The following LRIG2 variants were observed in gnomAD, a reference collection of about 807,000 sequenced individuals.
LRIG2 encodes the protein leucine-rich repeats and immunoglobulin-like domains protein 2.
Under a neutral mutation model 107.8 loss-of-function variants are expected in LRIG2, and 93 were observed. The ratio of observed to expected loss-of-function variants is 0.86; its 90% CI spans 0.73 to 1.03. The LOEUF is 1.03. Ranked by LOEUF, LRIG2 falls within the 50% of genes least tolerant of loss-of-function variation. The pLI is 0.00. For synonymous variants in LRIG2, 471 were observed against 470.6 expected (o/e 1.00, Z -0.01); for missense variants, 1,226 against 1,296.0 (o/e 0.95, Z 0.83).
At chr1:113,098,822 A>G (rs755858887) in intron 9 of LRIG2, 37 bp downstream of exon 9, 2 of 1,267,310 alleles carry the variant, frequency 1.6e-6, no homozygotes, top group Non-Finnish European at 2.3e-6. Context: ...CTACATAGGC[A>G]TGTTTTCAAG....
chr1:113,080,299 G>A (rs554239526), intron 1 of LRIG2, among the ~76,000 whole-genome samples: 30 of 152,240 alleles, frequency 2.0e-4, no homozygotes, highest in African/African-American at 6.5e-4. Flanking sequence ...GATTACAGGC[G>A]TGAGCCACTG....
At chr1:113,079,273 G>A (rs1289720119) in intron 1 of LRIG2, among the ~76,000 whole-genome samples, 1 of 151,564 alleles carries the variant, frequency 6.6e-6, no homozygotes, top group Non-Finnish European at 1.5e-5. Flanking sequence ...GCTTGAGCCT[G>A]GGAGGCAGAG....
At chr1:113,084,238 CAG>C (rs1451882903) in intron 1 of LRIG2, among the ~76,000 whole-genome samples, 32 of 114,980 alleles carry the variant, frequency 2.8e-4, no homozygotes, top group African/African-American at 9.4e-4. Flanking sequence ...TTTTCTGAGA[CAG>C]AGTCTTGTTC....
chr1:113,095,303 G>T (rs1187052824), intron 6 of LRIG2, among the ~76,000 whole-genome samples: 1 of 150,804 alleles, frequency 6.6e-6, no homozygotes, highest in East Asian at 2.0e-4. Context: ...TTTGGCTAAT[G>T]AAAATTACCA....
At chr1:113,083,043 A>G (rs754667260) in intron 1 of LRIG2, among the ~76,000 whole-genome samples, 1 of 151,070 alleles carries the variant, frequency 6.6e-6, no homozygotes, top group East Asian at 2.0e-4. Context: ...CCAAGTAGCT[A>G]GGACTACAGA....
intron 13 of LRIG2, among the ~76,000 whole-genome samples, 157 bp from the exon 14 acceptor site, chr1:113,112,322 T>C (rs1654803667): frequency 6.6e-6 from 1 of 152,112 alleles, no homozygotes; most frequent in Non-Finnish European, 1.5e-5. Flanking sequence ...TTTAAATTTA[T>C]AAAACTATAT....
chr1:113,074,740 C>T (rs1652878252), intron 1 of LRIG2, among the ~76,000 whole-genome samples: 1 of 151,754 alleles, frequency 6.6e-6, no homozygotes, highest in African/African-American at 2.4e-5. Flanking sequence ...AACCCCGTCT[C>T]TACTAAAAAT....
intron 17 of LRIG2, 36 bp from the exon 18 acceptor site, chr1:113,123,839 C>G: frequency 1.3e-6 from 2 of 1,559,906 alleles, no homozygotes; most frequent in Non-Finnish European, 1.8e-6. Context: ...TAAGTTTTAC[C>G]AGTCACTACT....
At position 113,127,789 on chromosome 1, in the gene LRIG2, A is replaced by T. The variant is rs1454738125; in HGVS notation, c.*3688A>T. The T allele has an allele frequency of 6.6e-6, 1 of 151,790 alleles. No individual in the cohort carries two copies. Among genetic ancestry groups the T allele is most frequent in the Non-Finnish European group, 1.5e-5 (1 of 68,006 alleles). 9.4% of individuals were successfully genotyped at this position (151,790 alleles called of 1,614,324 possible). ...CTCCATGTTGGTCAGGCTGGCCTCG[A>T]ACTCCTGACCTCAGGTGATCCACCC... On this transcript the variant is annotated 3_prime_UTR_variant, in exon 18 of 18. Coordinates refer to ENST00000361127, the MANE Select transcript of LRIG2 (RefSeq NM_014813.3).
Position 113,114,819 on chromosome 1 carries a change from G to T in LRIG2, c.2473G>T (p.Val825Phe), listed in dbSNP as rs1454540614. ...CCVVGTSLIW[V>F]IVIYHMRRKN... ...TGTTGTTGGCACTTCTTTGATCTGG[G>T]TCATTGTTATTTACCACATGAGAAG... Residue 825 changes from valine (V) to phenylalanine (F), a missense_variant, in exon 15 of 18, where the codon GTC (valine) becomes TTC (phenylalanine). Around this residue, in one of 3 missense-constraint regions of LRIG2, gnomAD observed 642 missense variants for 712.2 expected, o/e 0.90. Coordinates refer to ENST00000361127, the MANE Select transcript of LRIG2 (RefSeq NM_014813.3). 3.7e-6 allele frequency: 6 copies of T among 1,613,864 alleles called. No homozygotes were observed. In the East Asian group the frequency reaches 1.3e-4, roughly 36 times the overall value.
intron 1 of LRIG2, among the ~76,000 whole-genome samples, chr1:113,088,943 C>G (rs888829522): frequency 6.6e-6 from 1 of 152,188 alleles, no homozygotes; most frequent in African/African-American, 2.4e-5. Context: ...CTCCTCCATT[C>G]ATGAGTGTCC....
chr1:113,118,654 G>C (rs1359679667), intron 16 of LRIG2, among the ~76,000 whole-genome samples: 1 of 151,946 alleles, frequency 6.6e-6, no homozygotes, highest in African/African-American at 2.4e-5. Context: ...TCCTCACTCT[G>C]GCAGTATGAC....
chr1:113,119,480 G>A lies in LRIG2; in HGVS notation c.2928G>A (p.Glu976=). Residue 976 remains glutamate (E), a synonymous_variant, in exon 17 of 18, where the codon GAG becomes GAA. Transcript: ENST00000361127. ...REPSAFPTNH[E]RISEKKLPST... ...CATCTGCCTTTCCCACCAACCATGA[G>A]AGGATAAGTGAGAAGAAACTTCCCT... The A allele has an allele frequency of 6.2e-7, 1 of 1,614,160 alleles. No individual in the cohort carries two copies. The highest frequency in any genetic ancestry group is 8.5e-7 in the Non-Finnish European group (1 of 1,180,028).
intron 1 of LRIG2, among the ~76,000 whole-genome samples, chr1:113,081,076 C>T (rs539516053): frequency 9.2e-5 from 14 of 152,010 alleles, no homozygotes; most frequent in South Asian, 4.2e-4. Flanking sequence ...CTCCTGACCT[C>T]GTGATCTGCC....
rs577961009 is a variant in LRIG2, at chr1:113,111,866, G to A, written c.1799-613G>A. Among the ~76,000 whole-genome samples the A allele has an allele frequency of 2.0e-5, 3 of 152,200 alleles. No individual in the cohort carries two copies. The East Asian group carries it at 5.8e-4, about 29-fold the overall frequency. The stretch of plus-strand genomic sequence containing the variant: ...TCTGTCATGCAGGCTGGAGTGCAGT[G>A]GTGTGATCTCAGCTCACTGCAGCCT... On this transcript the variant is annotated intron_variant, in intron 13 of 17. Transcript: ENST00000361127.
At chr1:113,080,228 C>T (rs1570723439) in intron 1 of LRIG2, among the ~76,000 whole-genome samples, 1 of 151,846 alleles carries the variant, frequency 6.6e-6, no homozygotes, top group East Asian at 1.9e-4. Context: ...ACCATGTTGG[C>T]CAGGCTGGTC....
At chr1:113,087,293 A>G (rs1653600117) in intron 1 of LRIG2, among the ~76,000 whole-genome samples, 1 of 152,202 alleles carries the variant, frequency 6.6e-6, no homozygotes, top group Non-Finnish European at 1.5e-5. Flanking sequence ...ATCCAAATCC[A>G]TATTCCAAGA....
intron 1 of LRIG2, among the ~76,000 whole-genome samples, chr1:113,085,351 T>C (rs2101023917): frequency 6.6e-6 from 1 of 152,334 alleles, no homozygotes; most frequent in South Asian, 2.1e-4. Context: ...TGGTGGGATC[T>C]CTGCTCACCG....
intron 1 of LRIG2, among the ~76,000 whole-genome samples, chr1:113,075,155 T>G (rs1321819015): frequency 6.6e-6 from 1 of 151,328 alleles, no homozygotes. Context: ...GAGGTTGGAG[T>G]GAGCCGAGAT....
Sources: allele counts gnomAD v4.1 joint callset (sites outside exome capture counted in the v4.1 genomes callset), GRCh38; gene constraint gnomAD v4.1.1; regional missense constraint gnomAD v4.1.1; transcripts MANE v1.5; gene names NCBI Gene and HGNC (gene_info 2026-07-23, HGNC 2026-07-21).